KLF8: variants seen among roughly 807,000 people sequenced by gnomAD.
KLF8 encodes the protein Krueppel-like factor 8.
Under a neutral mutation model 18.2 loss-of-function variants are expected in KLF8, and 10 were observed. The observed-to-expected ratio is 0.55, with a 90% CI of 0.34 to 0.93. KLF8 has a LOEUF of 0.93. Among genes scored for constraint, KLF8 ranks in the 40% least tolerant of loss-of-function variants. KLF8 has a pLI of 0.02. For missense variants in KLF8, 264 were observed against 277.9 expected (o/e 0.95, Z 0.36); for synonymous variants, 109 against 97.3 (o/e 1.12, Z -0.71).
At chrX:56,268,803 A>G (rs1328313049) in intron 3 of KLF8, 2 of 806,650 alleles carry the variant, frequency 2.5e-6, no homozygotes, top group East Asian at 2.5e-4. Flanking sequence ...AGGGGTTGAT[A>G]ATAAGGAATA....
At chrX:56,184,037 G>A in the KLF8 span, among the ~76,000 whole-genome samples, 4 of 112,124 alleles carry the variant, frequency 3.6e-5, no homozygotes, top group Non-Finnish European at 7.5e-5. Flanking sequence ...AGTGGGTGCA[G>A]TGCACCATGC....
At chrX:56,091,498 T>C in the KLF8 span, among the ~76,000 whole-genome samples, 2 of 110,604 alleles carry the variant, frequency 1.8e-5, no homozygotes, top group Non-Finnish European at 3.8e-5. Context: ...TTTGATATAA[T>C]TATTTATTTA....
the KLF8 span, among the ~76,000 whole-genome samples, chrX:56,207,064 G>T: frequency 8.9e-6 from 1 of 112,631 alleles, no homozygotes; most frequent in East Asian, 2.8e-4. Context: ...GCCCCTTCTA[G>T]CCATGGCTGG....
At chrX:56,031,494 T>C in the KLF8 span, among the ~76,000 whole-genome samples, 2 of 112,126 alleles carry the variant, frequency 1.8e-5, no homozygotes, top group Non-Finnish European at 3.8e-5. Context: ...TTTCCTTCCC[T>C]GTGTTCAGCC....
chrX:56,038,017 C>G, the KLF8 span, among the ~76,000 whole-genome samples: 1 of 111,248 alleles, frequency 9.0e-6, no homozygotes, highest in Non-Finnish European at 1.9e-5. Flanking sequence ...TCCTTCTACT[C>G]TCTATGTTTA....
chrX:56,139,882 A>G, the KLF8 span, among the ~76,000 whole-genome samples: 1 of 111,974 alleles, frequency 8.9e-6, no homozygotes, highest in African/African-American at 3.2e-5. Context: ...TATGCATCTG[A>G]CAAAGGCCTA....
the KLF8 span, among the ~76,000 whole-genome samples, chrX:56,160,518 G>A: frequency 9.0e-6 from 1 of 111,347 alleles, no homozygotes; most frequent in African/African-American, 3.3e-5. Flanking sequence ...TATTGTGTGG[G>A]AGTCTAAGTC....
At chrX:55,915,797 G>A in the KLF8 span, among the ~76,000 whole-genome samples, 57,071 of 110,694 alleles carry the variant, frequency 0.52, 12,930 homozygotes, top group East Asian at 0.75. Flanking sequence ...TGCAAAGGGT[G>A]TAAACCAGCT....
the KLF8 span, among the ~76,000 whole-genome samples, chrX:55,938,179 G>A: frequency 1.8e-5 from 2 of 112,093 alleles, no homozygotes; most frequent in African/African-American, 3.2e-5. Flanking sequence ...TGATCTCTCG[G>A]CAGAAGCTCT....
chrX:56,041,926 A>T, the KLF8 span, among the ~76,000 whole-genome samples: 1 of 111,222 alleles, frequency 9.0e-6, no homozygotes, highest in Non-Finnish European at 1.9e-5. Flanking sequence ...TGACCTCATG[A>T]TCTGCCTGCC....
the KLF8 span, among the ~76,000 whole-genome samples, chrX:56,005,106 G>A: frequency 1.8e-5 from 2 of 108,917 alleles, no homozygotes; most frequent in African/African-American, 6.7e-5. Context: ...GCAGTGGTGC[G>A]GTCTTGGCTC....
the KLF8 span, among the ~76,000 whole-genome samples, chrX:55,992,149 G>T: frequency 8.9e-6 from 1 of 111,980 alleles, no homozygotes; most frequent in African/African-American, 3.2e-5. Context: ...ATAGATTTTG[G>T]AGTCTTCATC....
At chrX:56,083,026 T>A in the KLF8 span, among the ~76,000 whole-genome samples, 1 of 111,896 alleles carries the variant, frequency 8.9e-6, no homozygotes, top group East Asian at 2.8e-4. Flanking sequence ...TCAGTTTAAC[T>A]TATATCTAGT....
At chrX:56,277,763 G>A (rs895254713) in intron 5 of KLF8, among the ~76,000 whole-genome samples, 15 of 112,535 alleles carry the variant, frequency 1.3e-4, no homozygotes, top group Non-Finnish European at 2.3e-4. Context: ...TAGGCCCTTG[G>A]TAGGTCCAGA....
intron 1 of KLF8, among the ~76,000 whole-genome samples, chrX:56,247,329 A>C (rs925091338): frequency 8.9e-6 from 1 of 111,848 alleles, no homozygotes; most frequent in Non-Finnish European, 1.9e-5. Flanking sequence ...ACTTAACATG[A>C]AGGAAACTTG....
the KLF8 span, among the ~76,000 whole-genome samples, chrX:56,148,336 A>G: frequency 2.7e-5 from 3 of 111,543 alleles, no homozygotes; most frequent in African/African-American, 9.8e-5. Context: ...TAAAAATTAC[A>G]GAACTCATTA....
At chrX:55,956,810 A>T in the KLF8 span, among the ~76,000 whole-genome samples, 1 of 111,445 alleles carries the variant, frequency 9.0e-6, no homozygotes, top group Admixed American at 9.6e-5. Context: ...CTTTTATCTG[A>T]TATTTTATTT....
the KLF8 span, among the ~76,000 whole-genome samples, chrX:56,011,796 T>C: frequency 9.0e-6 from 1 of 111,693 alleles, no homozygotes; most frequent in African/African-American, 3.3e-5. Context: ...CCCACAGAAA[T>C]ACAAACGACC....
At chrX:56,175,189 A>C in the KLF8 span, among the ~76,000 whole-genome samples, 2 of 111,448 alleles carry the variant, frequency 1.8e-5, no homozygotes, top group Non-Finnish European at 3.8e-5. Flanking sequence ...CTGTGATGTT[A>C]GGGTGTCAAT....
Sources: allele counts gnomAD v4.1 joint callset (sites outside exome capture counted in the v4.1 genomes callset), GRCh38; gene constraint gnomAD v4.1.1; transcripts MANE v1.5; gene names NCBI Gene and HGNC (gene_info 2026-07-23, HGNC 2026-07-21).